Variants in PDIA6 observed in about 807,000 individuals in gnomAD.
The protein encoded by PDIA6 is protein disulfide isomerase family A member 6, also known as protein disulfide-isomerase A6.
A neutral mutation model predicts 58.4 loss-of-function variants in PDIA6; 29 were observed. The ratio of observed to expected loss-of-function variants is 0.50; its 90% CI spans 0.37 to 0.68. The LOEUF (loss-of-function observed/expected upper bound fraction) is 0.68. PDIA6 is among the 30% of genes least tolerant of loss of function. The pLI is 0.00. For missense variants in PDIA6, 480 were observed against 551.0 expected (o/e 0.87, Z 1.29); for synonymous variants, 192 against 202.6 (o/e 0.95, Z 0.44).
Position 10,791,926 on chromosome 2 carries a change from C to G in PDIA6, c.454-1G>C. The G allele has an allele frequency of 6.2e-7, 1 of 1,613,030 alleles. No individual in the cohort carries two copies. Among genetic ancestry groups the G allele is most frequent in the Non-Finnish European group, 8.5e-7 (1 of 1,179,736 alleles). On this transcript the variant is annotated splice_acceptor_variant, in intron 5 of 12. Coordinates refer to ENST00000272227, the MANE Select transcript of PDIA6 (RefSeq NM_005742.4). LOFTEE classifies it high-confidence loss of function. The stretch of plus-strand genomic sequence containing the variant: ...TCTTACTTGAACTATCACTTCTGCC[C>G]TGTCATTTATGACATTAAACATCAA...
rs183238285 is a variant in PDIA6, at chr2:10,824,327, C to T, written c.-47-4973G>A. Among the ~76,000 whole-genome samples the T allele has an allele frequency of 8.5e-5, 13 of 152,376 alleles. 1 individual carries two copies. Among genetic ancestry groups the T allele is most frequent in the Non-Finnish European group, 1.3e-4 (9 of 68,038 alleles). On this transcript the variant is annotated intron_variant, in intron 1 of 13. Transcript: ENST00000381611. ...GGGGGCAGCTTACATTCCGTGATTACATGTCTGTGGCCGATGACACCTGTC... is the reference window on the plus strand; with the variant it reads ...GGGGGCAGCTTACATTCCGTGATTATATGTCTGTGGCCGATGACACCTGTC...
In PDIA6 at chr2:10,802,644, A is replaced by G; in HGVS notation, c.20-4T>C. On this transcript the variant is annotated splice_polypyrimidine_tract_variant and splice_region_variant and intron_variant, in intron 1 of 12. Coordinates refer to ENST00000272227, the MANE Select transcript of PDIA6 (RefSeq NM_005742.4). ...AAGAAGGTACAGCTCACCAGACCTG[A>G]AGATAAAAACAAAAGTGCACCATTA... 7.0e-7 allele frequency: 1 copy of G among 1,434,186 alleles called. No individual in the cohort carries two copies. 88.8% of individuals were successfully genotyped at this position (1,434,186 alleles called of 1,614,324 possible).
chr2:10,783,574 T>C lies in PDIA6; in HGVS notation c.*684A>G, dbSNP rs1060005. The C allele has an allele frequency of 0.024, 6,803 of 284,522 alleles. 146 individuals carry two copies. The highest frequency in any genetic ancestry group is 0.059 in the African/African-American group (2,604 of 44,500). 17.6% of individuals were successfully genotyped at this position (284,522 alleles called of 1,614,324 possible). A position where few individuals can be genotyped will look rare whatever the true frequency, so the allele number is the denominator to read the frequency against. On this transcript the variant is annotated 3_prime_UTR_variant, in exon 13 of 13. Transcript: ENST00000272227. ...GCTATTTTGAGGTTCATTAACAACA[T>C]AGAAAGCCTTGAACTGTATAACCAG...
intron 5 of PDIA6, among the ~76,000 whole-genome samples, chr2:10,792,358 G>A (rs1015683921): frequency 1.3e-5 from 2 of 151,984 alleles, no homozygotes; most frequent in East Asian, 1.9e-4. Context: ...TTCTTTTTTC[G>A]AAGAATGTTC....
At chr2:10,803,017 C>A (rs1469497208) in intron 1 of PDIA6, among the ~76,000 whole-genome samples, 1 of 152,222 alleles carries the variant, frequency 6.6e-6, no homozygotes, top group Non-Finnish European at 1.5e-5. Flanking sequence ...CTGTGTAACC[C>A]TGGGCAATCA....
At chr2:10,831,221 C>A (rs1667702733) in intron 1 of PDIA6, among the ~76,000 whole-genome samples, 1 of 152,212 alleles carries the variant, frequency 6.6e-6, no homozygotes, top group Non-Finnish European at 1.5e-5. Flanking sequence ...CCCCCACCTA[C>A]TTAGCCTTCC....
chr2:10,784,183 G>T lies in PDIA6; in HGVS notation c.*75C>A. Reference sequence around the variant, plus strand: ...ACTGGTAGAGTCATCTGAGTGTAGAGAATGTCCCTTCACTGCTGGAAAAAT... The same window carrying T: ...ACTGGTAGAGTCATCTGAGTGTAGATAATGTCCCTTCACTGCTGGAAAAAT... On this transcript the variant is annotated 3_prime_UTR_variant, in exon 13 of 13. Transcript: ENST00000272227. 1.8e-6 allele frequency: 2 copies of T among 1,117,650 alleles called. No individual in the cohort carries two copies. The highest frequency in any genetic ancestry group is 2.0e-4 in the Middle Eastern group (1 of 5,010). 69.2% of individuals were successfully genotyped at this position (1,117,650 alleles called of 1,614,324 possible). A position where few individuals can be genotyped will look rare whatever the true frequency, so the allele number is the denominator to read the frequency against.
intron 1 of PDIA6, among the ~76,000 whole-genome samples, chr2:10,807,256 T>C (rs1000327316): frequency 1.3e-5 from 2 of 152,258 alleles, no homozygotes; most frequent in Non-Finnish European, 2.9e-5. Flanking sequence ...TCACCCAGAC[T>C]GGAGTGCAAT....
At chr2:10,808,929 G>A (rs1666880400) in intron 1 of PDIA6, among the ~76,000 whole-genome samples, 1 of 152,060 alleles carries the variant, frequency 6.6e-6, no homozygotes, top group African/African-American at 2.4e-5. Flanking sequence ...GGGTTCAAGC[G>A]ATTCTCCCGT....
intron 2 of PDIA6, among the ~76,000 whole-genome samples, chr2:10,818,506 A>C (rs141890979): frequency 0.027 from 3,436 of 126,754 alleles, 65 homozygotes; most frequent in South Asian, 0.05. Flanking sequence ...TTATTTATTT[A>C]TTTATTTATT....
At chr2:10,818,530 ATT>A (rs1667281999) in intron 2 of PDIA6, among the ~76,000 whole-genome samples, 4 of 103,644 alleles carry the variant, frequency 3.9e-5, no homozygotes, top group Non-Finnish European at 6.1e-5. Flanking sequence ...TTATTTATTT[ATT>A]TATTTTGAGA....
upstream of PDIA6, chr2:10,812,917 G>T: frequency 2.0e-6 from 2 of 996,950 alleles, no homozygotes; most frequent in Non-Finnish European, 2.5e-6. Context: ...GAGGCGGCCG[G>T]GTAGAGGTTA....
chr2:10,817,275 C>T (rs1056556067), upstream of PDIA6, among the ~76,000 whole-genome samples: 1 of 152,226 alleles, frequency 6.6e-6, no homozygotes, highest in Non-Finnish European at 1.5e-5. Flanking sequence ...GTCACTTGCC[C>T]TGCCTCAGCA....
intron 1 of PDIA6, among the ~76,000 whole-genome samples, chr2:10,828,501 T>C (rs1457656541): frequency 1.3e-5 from 2 of 152,128 alleles, no homozygotes; most frequent in African/African-American, 2.4e-5. Context: ...ACCAGAGGAA[T>C]GCGAGGGTCT....
intron 1 of PDIA6, among the ~76,000 whole-genome samples, chr2:10,829,547 G>T (rs1667646847): frequency 6.6e-6 from 1 of 152,096 alleles, no homozygotes; most frequent in East Asian, 1.9e-4. Flanking sequence ...GGTGTTGGGG[G>T]GTGGAGATTA....
chr2:10,815,284 C>G (rs79309479), upstream of PDIA6, among the ~76,000 whole-genome samples: 21,372 of 152,106 alleles, frequency 0.14, 2,003 homozygotes, highest in African/African-American at 0.26. Flanking sequence ...CCTAATTATA[C>G]GAGCAACTGT....
chr2:10,820,629 T>G, intron 1 of PDIA6: 33 of 578,962 alleles, frequency 5.7e-5, no homozygotes, highest in Middle Eastern at 4.5e-4. Context: ...AATAATTTCT[T>G]GAGCTGTTTT....
intron 2 of PDIA6, among the ~76,000 whole-genome samples, chr2:10,798,991 C>T (rs17365209): frequency 0.15 from 22,450 of 151,932 alleles, 2,022 homozygotes; most frequent in Non-Finnish European, 0.21. Flanking sequence ...CACAAGATGG[C>T]GATGTGAGTG....
At chr2:10,828,010 A>G (rs1667597387) in intron 1 of PDIA6, among the ~76,000 whole-genome samples, 1 of 149,814 alleles carries the variant, frequency 6.7e-6, no homozygotes, top group Non-Finnish European at 1.5e-5. Context: ...ATTCCCCATA[A>G]AACCCCTCCC....
Sources: allele counts gnomAD v4.1 joint callset (sites outside exome capture counted in the v4.1 genomes callset), GRCh38; gene constraint gnomAD v4.1.1; transcripts MANE v1.5; gene names NCBI Gene and HGNC (gene_info 2026-07-23, HGNC 2026-07-21).